ANXA10: variants seen among roughly 807,000 people sequenced by gnomAD.
ANXA10 encodes the protein annexin A10.
In ANXA10, 49 loss-of-function variants were observed where a neutral mutation model predicts 53.5. That is an observed-to-expected ratio of 0.92 (90% confidence interval 0.73 to 1.16). ANXA10 has a LOEUF of 1.16. Ranked by LOEUF, ANXA10 falls within the 50% of genes most tolerant of loss-of-function variation. The probability of loss-of-function intolerance (pLI) is 0.00; values close to 1 mark genes in which losing one functional copy is unlikely to be tolerated. For synonymous variants in ANXA10, 131 were observed against 128.9 expected, an observed-to-expected ratio of 1.02 and a Z score of -0.11; for missense variants, 393 against 394.4, an observed-to-expected ratio of 1.00 and a Z score of 0.03.
chr4:168,134,170 A>G (rs1731198087), intron 2 of ANXA10, among the ~76,000 whole-genome samples: 1 of 152,086 alleles, frequency 6.6e-6, no homozygotes. Flanking sequence ...ATAGAAGTGC[A>G]AATATAAGTA....
chr4:168,157,191 C>T (rs531326419), intron 3 of ANXA10, among the ~76,000 whole-genome samples: 2 of 152,164 alleles, frequency 1.3e-5, no homozygotes, highest in Admixed American at 6.5e-5. Context: ...ATATTGAGTA[C>T]AATTTCTATA....
chr4:168,181,398 A>G (rs116454149), intron 9 of ANXA10, among the ~76,000 whole-genome samples: 2 of 151,838 alleles, frequency 1.3e-5, no homozygotes, highest in African/African-American at 4.8e-5. Context: ...CTCAAAAAAA[A>G]AAAAAAAAAG....
At chr4:168,162,501 T>C in intron 3 of ANXA10, 27 bp from the exon 4 acceptor site, 6 of 1,534,370 alleles carry the variant, frequency 3.9e-6, no homozygotes, top group Non-Finnish European at 5.4e-6. Context: ...TAACATATAA[T>C]AAATATATGT....
chr4:168,148,248 A>G lies in ANXA10; in HGVS notation c.195+8668A>G, dbSNP rs1410273955. ...AGTGGCATGATCTCAGCTCACTGCA[A>G]CCTCTGTCTCCTGGGTTCAAGCAAT... is the stretch of plus-strand genomic sequence containing the variant. On this transcript the variant is annotated intron_variant, in intron 3 of 11. Transcript: ENST00000359299. Among the ~76,000 whole-genome samples, 64 of 151,426 alleles carry G rather than the reference A, an allele frequency of 4.2e-4. 1 individual carries two copies. Among genetic ancestry groups the G allele is most frequent in the Admixed American group, 3.8e-3 (57 of 15,196 alleles).
intron 3 of ANXA10, among the ~76,000 whole-genome samples, chr4:168,155,142 A>G (rs1731583007): frequency 6.6e-6 from 1 of 151,170 alleles, no homozygotes; most frequent in Admixed American, 6.7e-5. Flanking sequence ...GGTATCTCCT[A>G]AGCCTTTGCC....
intron 6 of ANXA10, among the ~76,000 whole-genome samples, chr4:168,171,084 A>C (rs561787129): frequency 1.3e-5 from 2 of 152,298 alleles, no homozygotes; most frequent in Non-Finnish European, 2.9e-5. Flanking sequence ...ATTGGAAAAG[A>C]TATAAAGTGA....
intron 1 of ANXA10, among the ~76,000 whole-genome samples, chr4:168,101,902 A>C (rs1006651190): frequency 3.3e-5 from 5 of 152,092 alleles, no homozygotes; most frequent in African/African-American, 4.8e-5. Context: ...CCTCCAATCT[A>C]ATCAACAACA....
chr4:168,165,174 C>A, intron 5 of ANXA10, 73 bp from the exon 6 acceptor site: 1 of 971,626 alleles, frequency 1.0e-6, no homozygotes, highest in Non-Finnish European at 1.5e-6. Flanking sequence ...TGGGAAATAA[C>A]ATTAACTTAC....
At chr4:168,144,121 CT>C (rs2149472921) in intron 3 of ANXA10, among the ~76,000 whole-genome samples, 1 of 152,268 alleles carries the variant, frequency 6.6e-6, no homozygotes, top group Admixed American at 6.5e-5. Flanking sequence ...TCCTGAATGC[CT>C]TCTAAGGCCA....
At chr4:168,156,199 A>ATATATAT (rs1467366709) in intron 3 of ANXA10, among the ~76,000 whole-genome samples, 1 of 7,344 alleles carries the variant, frequency 1.4e-4, no homozygotes. Context: ...ATTATATATA[A>ATATATAT]TATATATTAT....
chr4:168,149,656 C>A (rs961838215), intron 3 of ANXA10, among the ~76,000 whole-genome samples: 1 of 152,094 alleles, frequency 6.6e-6, no homozygotes, highest in Non-Finnish European at 1.5e-5. Flanking sequence ...TTCTTCTGTT[C>A]CATGAGAATC....
At chr4:168,139,708 A>G (rs1731297052) in intron 3 of ANXA10, 128 bp downstream of exon 3, 7 of 576,226 alleles carry the variant, frequency 1.2e-5, no homozygotes. Context: ...TATATGTCAG[A>G]TACAGTTCAT....
intron 5 of ANXA10, among the ~76,000 whole-genome samples, chr4:168,165,012 C>G (rs990901334): frequency 6.6e-6 from 1 of 152,120 alleles, no homozygotes. Context: ...TGAAATGACT[C>G]TCAATCCTGT....
chr4:168,131,789 T>C (rs1731159961), intron 2 of ANXA10, among the ~76,000 whole-genome samples: 1 of 152,070 alleles, frequency 6.6e-6, no homozygotes, highest in South Asian at 2.1e-4. Flanking sequence ...GTATTCTTTG[T>C]CTAAAATTAA....
chr4:168,124,219 A>T (rs1365213864), intron 1 of ANXA10, among the ~76,000 whole-genome samples: 1 of 152,150 alleles, frequency 6.6e-6, no homozygotes, highest in African/African-American at 2.4e-5. Flanking sequence ...GTAAAAGATG[A>T]CTCTGGAGCT....
rs528587149 is a variant in ANXA10 at position 168,119,755 on chromosome 4, A to G, written c.19-8329A>G. On this transcript the variant is annotated intron_variant, in intron 1 of 11. Transcript: ENST00000359299. ...AAGTACTACACAAAGCATGATTTCT[A>G]ATTATGGGGTGCATGAAATTTGGTT... Among the ~76,000 whole-genome samples the G allele has an allele frequency of 5.9e-5, 9 of 152,244 alleles. No homozygotes were observed. The East Asian group carries it at 1.5e-3, about 26-fold the overall frequency.
chr4:168,135,834 G>A (rs1258691335), intron 2 of ANXA10, among the ~76,000 whole-genome samples: 1 of 152,032 alleles, frequency 6.6e-6, no homozygotes, highest in African/African-American at 2.4e-5. Flanking sequence ...TATTCAACAA[G>A]AAAGACACAA....
intron 6 of ANXA10, among the ~76,000 whole-genome samples, chr4:168,171,740 A>G (rs1469795991): frequency 6.6e-6 from 1 of 152,224 alleles, no homozygotes; most frequent in Non-Finnish European, 1.5e-5. Context: ...CTGGCTCACA[A>G]TGCTTCCTGC....
chr4:168,163,521 C>T (rs1000137081), intron 4 of ANXA10, among the ~76,000 whole-genome samples: 1 of 152,076 alleles, frequency 6.6e-6, no homozygotes, highest in African/African-American at 2.4e-5. Context: ...TCAATTCCTA[C>T]CTCTTGCAAA....
Sources: allele counts gnomAD v4.1 joint callset (sites outside exome capture counted in the v4.1 genomes callset), GRCh38; gene constraint gnomAD v4.1.1; transcripts MANE v1.5; gene names NCBI Gene and HGNC (gene_info 2026-07-23, HGNC 2026-07-21).